LMBRD1: variants seen among roughly 807,000 people sequenced by gnomAD.
LMBRD1 encodes the protein LMBR1 domain containing 1.
In LMBRD1, 64 loss-of-function variants were observed where a neutral mutation model predicts 74.8. The ratio of observed to expected loss-of-function variants is 0.86; its 90% CI spans 0.70 to 1.05. The LOEUF (loss-of-function observed/expected upper bound fraction) is 1.05. LMBRD1 is among the 50% of genes least tolerant of loss of function. LMBRD1 has a pLI of 0.00. For synonymous variants in LMBRD1, 204 were observed against 216.3 expected, an observed-to-expected ratio of 0.94 and a Z score of 0.50; for missense variants, 652 against 645.9, an observed-to-expected ratio of 1.01 and a Z score of -0.10.
intron 9 of LMBRD1, among the ~76,000 whole-genome samples, chr6:69,707,828 G>A (rs1403452102): frequency 6.6e-6 from 1 of 152,092 alleles, no homozygotes; most frequent in African/African-American, 2.4e-5. Flanking sequence ...CTAGGGAATG[G>A]AGAATTACCG....
At chr6:69,740,116 T>C (rs567009426) in intron 6 of LMBRD1, among the ~76,000 whole-genome samples, 1 of 151,654 alleles carries the variant, frequency 6.6e-6, no homozygotes, top group South Asian at 2.1e-4. Context: ...AATCAATCAA[T>C]CAATCAATCA....
chr6:69,752,044 T>G (rs1231625848), intron 4 of LMBRD1, among the ~76,000 whole-genome samples: 6 of 152,220 alleles, frequency 3.9e-5, no homozygotes, highest in African/African-American at 1.4e-4. Context: ...CATTAATAGT[T>G]TGACTATATT....
intron 14 of LMBRD1, among the ~76,000 whole-genome samples, chr6:69,684,498 A>C (rs1412994122): frequency 1.3e-5 from 2 of 152,126 alleles, no homozygotes; most frequent in Non-Finnish European, 1.5e-5. Flanking sequence ...TTAAAGTTGT[A>C]AGAGGAAATG....
chr6:69,734,505 C>T lies in LMBRD1; in HGVS notation c.636+3437G>A, dbSNP rs533483247. Among the ~76,000 whole-genome samples, 4 of 152,144 alleles carry T rather than the reference C, an allele frequency of 2.6e-5. No individual in the cohort carries two copies. The East Asian group carries it at 7.7e-4, about 29-fold the overall frequency. On this transcript the variant is annotated intron_variant, in intron 7 of 15. Coordinates refer to ENST00000649934, the MANE Select transcript of LMBRD1 (RefSeq NM_018368.4). ...CTGCCTGCCGAATTCAAGCGATTCT[C>T]CTGCCTCAGTCTCCCGAGTACCTGC...
rs202167254 is a variant in LMBRD1 at position 69,741,062 on chromosome 6, AG to A, written c.562+726del. On this transcript the variant is annotated intron_variant, in intron 6 of 15. Transcript: ENST00000649934. ...ACCTCTAATTTACATTTTATATAAA[AG>A]ATGATTTAATCTCAAACAAAAACAT... 1.4e-4 allele frequency among the ~76,000 whole-genome samples: 22 copies of A among 152,240 alleles called. No homozygotes were observed. The East Asian group carries it at 4.2e-3, about 29-fold the overall frequency.
rs1431828387 is a variant in LMBRD1, at chr6:69,752,238, CT to C, written c.405+20del. On this transcript the variant is annotated intron_variant, in intron 4 of 15. Coordinates refer to ENST00000649934, the MANE Select transcript of LMBRD1 (RefSeq NM_018368.4). ...TTATTTTTCTTTCCTAAACTAAGGC[CT>C]CTAAAATAAAGATACTTACAGTACA... 1 of 1,601,194 alleles carries C rather than the reference CT, an allele frequency of 6.2e-7. No homozygotes were observed. The highest frequency in any genetic ancestry group is 1.3e-5 in the African/African-American group (1 of 74,580).
At chr6:69,765,297 T>C (rs1045375641) in intron 3 of LMBRD1, among the ~76,000 whole-genome samples, 2 of 152,078 alleles carry the variant, frequency 1.3e-5, no homozygotes, top group African/African-American at 2.4e-5. Flanking sequence ...TTGAGTATGG[T>C]GTAAGGTAAG....
chr6:69,698,340 TG>T (rs1766050537), intron 13 of LMBRD1, among the ~76,000 whole-genome samples: 1 of 151,986 alleles, frequency 6.6e-6, no homozygotes, highest in East Asian at 1.9e-4. Context: ...AGAAATGATC[TG>T]GGCACACTGA....
rs779447333 is a variant in LMBRD1, at chr6:69,737,953, T to C, written c.625A>G (p.Ile209Val). ...SLTLIGMLAA[I>V]TYTAYGMSAL... ...CCCATTTCACTTACTGTGTAAGTTATAGCTGCCAACATTCCAATCAAGGTC... is the reference window on the plus strand; with the variant it reads ...CCCATTTCACTTACTGTGTAAGTTACAGCTGCCAACATTCCAATCAAGGTC... Residue 209 changes from isoleucine (I) to valine (V), a missense_variant, in exon 7 of 16, where the codon ATA becomes GTA. Ile to Val is a conservative substitution (Grantham distance 29). Transcript: ENST00000649934. 1.9e-6 allele frequency: 3 copies of C among 1,610,192 alleles called. No homozygotes were observed. The highest frequency in any genetic ancestry group is 2.2e-5 in the South Asian group (2 of 90,674).
At chr6:69,708,222 T>C in intron 9 of LMBRD1, among the ~76,000 whole-genome samples, 1 of 152,274 alleles carries the variant, frequency 6.6e-6, no homozygotes, top group South Asian at 2.1e-4. Context: ...TTCAATATTA[T>C]ATATAAAGGC....
At chr6:69,758,632 C>T (rs945571607) in intron 3 of LMBRD1, among the ~76,000 whole-genome samples, 2 of 152,142 alleles carry the variant, frequency 1.3e-5, no homozygotes, top group Non-Finnish European at 2.9e-5. Flanking sequence ...CCCTGGATAG[C>T]CTATCTCCAT....
At chr6:69,708,191 G>C (rs1301247171) in intron 9 of LMBRD1, among the ~76,000 whole-genome samples, 1 of 152,086 alleles carries the variant, frequency 6.6e-6, no homozygotes, top group Non-Finnish European at 1.5e-5. Context: ...ATGAACATCA[G>C]ACTGTAGGCT....
chr6:69,686,136 T>C (rs1430191849), intron 14 of LMBRD1, among the ~76,000 whole-genome samples: 1 of 152,204 alleles, frequency 6.6e-6, no homozygotes, highest in East Asian at 1.9e-4. Context: ...AAAGTCTTTA[T>C]CTAATAGTTT....
Position 69,730,677 on chromosome 6 carries a change from A to C in LMBRD1, c.636+7265T>G, listed in dbSNP as rs150700612. ...GTTTAATTGCCACTTATGTCTTAAAAGATAATATGATTTGACATTAAAGCA... is the reference window on the plus strand; with the variant it reads ...GTTTAATTGCCACTTATGTCTTAAACGATAATATGATTTGACATTAAAGCA... On this transcript the variant is annotated intron_variant, in intron 7 of 15. Coordinates refer to ENST00000649934, the MANE Select transcript of LMBRD1 (RefSeq NM_018368.4). 4.0e-4 allele frequency among the ~76,000 whole-genome samples: 61 copies of C among 152,248 alleles called. 1 individual carries two copies. In the East Asian group the frequency reaches 8.9e-3, roughly 22 times the overall value.
At chr6:69,693,918 T>C (rs1011381003) in intron 14 of LMBRD1, among the ~76,000 whole-genome samples, 4 of 152,080 alleles carry the variant, frequency 2.6e-5, no homozygotes, top group South Asian at 2.1e-4. Context: ...AGATGTGCTA[T>C]AGAACAAAAC....
At chr6:69,705,786 A>G in intron 9 of LMBRD1, 1 of 1,177,624 alleles carries the variant, frequency 8.5e-7, no homozygotes. Context: ...CTCTTCATCT[A>G]CTGACTGCAT....
At chr6:69,726,834 T>C (rs764872781) in intron 7 of LMBRD1, among the ~76,000 whole-genome samples, 52 of 151,502 alleles carry the variant, frequency 3.4e-4, no homozygotes, top group Non-Finnish European at 6.5e-4. Context: ...AGGTGAACTA[T>C]AGTCAATAAT....
At chr6:69,715,037 T>C (rs1254740048) in intron 8 of LMBRD1, among the ~76,000 whole-genome samples, 2 of 152,086 alleles carry the variant, frequency 1.3e-5, no homozygotes, top group Non-Finnish European at 2.9e-5. Flanking sequence ...CTACAGACTA[T>C]ATTCCATTCC....
At chr6:69,791,938 G>A (rs1326807387) in intron 1 of LMBRD1, among the ~76,000 whole-genome samples, 4 of 152,166 alleles carry the variant, frequency 2.6e-5, no homozygotes, top group Non-Finnish European at 4.4e-5. Flanking sequence ...ACATGGCAAT[G>A]GATTTGACCT....
Sources: allele counts gnomAD v4.1 joint callset (sites outside exome capture counted in the v4.1 genomes callset), GRCh38; gene constraint gnomAD v4.1.1; transcripts MANE v1.5; gene names NCBI Gene and HGNC (gene_info 2026-07-23, HGNC 2026-07-21).